Variants in RANBP10 observed in about 807,000 individuals in gnomAD.
RANBP10 encodes RAN binding protein 10.
Under a neutral mutation model 72.8 loss-of-function variants are expected in RANBP10, and 24 were observed. The observed-to-expected ratio is 0.33, with a 90% CI of 0.24 to 0.46. The LOEUF is 0.46. RANBP10 is among the 20% of genes least tolerant of loss of function. The pLI is 1.00. For missense variants in RANBP10, 679 were observed against 817.5 expected (o/e 0.83, Z 2.07); for synonymous variants, 310 against 322.3 (o/e 0.96, Z 0.41).
intron 3 of RANBP10, among the ~76,000 whole-genome samples, chr16:67,768,230 T>C (rs904623189): frequency 1.2e-4 from 18 of 150,448 alleles, no homozygotes; most frequent in African/African-American, 4.1e-4. Flanking sequence ...CTACAAAAAA[T>C]ACAAAAACGG....
At chr16:67,789,958 G>A (rs1468301828) in intron 2 of RANBP10, among the ~76,000 whole-genome samples, 3 of 151,708 alleles carry the variant, frequency 2.0e-5, no homozygotes, top group East Asian at 3.9e-4. Context: ...TTGGCTGGGC[G>A]TGGTGGTGCA....
chr16:67,796,292 A>AT (rs973413000), intron 2 of RANBP10, among the ~76,000 whole-genome samples: 1 of 152,106 alleles, frequency 6.6e-6, no homozygotes, highest in Non-Finnish European at 1.5e-5. Context: ...AGGGCATTCC[A>AT]TTTTTTTAAA....
chr16:67,744,530 A>G (rs1447198738), intron 3 of RANBP10, 75 bp from the exon 4 acceptor site: 4 of 1,450,328 alleles, frequency 2.8e-6, no homozygotes, highest in African/African-American at 1.4e-5. Flanking sequence ...AAGCCCACCC[A>G]GGTCTCTCAG....
chr16:67,795,782 A>C (rs576896589), intron 2 of RANBP10, among the ~76,000 whole-genome samples: 25 of 150,792 alleles, frequency 1.7e-4, no homozygotes, highest in East Asian at 1.6e-3. Context: ...GTGAACCCGG[A>C]AAGTGGAGCT....
chr16:67,753,535 A>C (rs1412740214), intron 3 of RANBP10, among the ~76,000 whole-genome samples: 2 of 152,048 alleles, frequency 1.3e-5, no homozygotes, highest in Non-Finnish European at 2.9e-5. Flanking sequence ...TAGCAATGGG[A>C]GGGGGGATGA....
intron 4 of RANBP10, among the ~76,000 whole-genome samples, 167 bp from the exon 5 acceptor site, chr16:67,738,202 G>A (rs1302595456): frequency 1.1e-4 from 17 of 152,088 alleles, no homozygotes; most frequent in African/African-American, 3.4e-4. Flanking sequence ...GCAGTGGTAC[G>A]ATCTTGGCTC....
intron 11 of RANBP10, 33 bp downstream of exon 11, chr16:67,728,357 T>C: frequency 6.2e-7 from 1 of 1,608,722 alleles, no homozygotes; most frequent in Non-Finnish European, 8.5e-7. Flanking sequence ...CACACTGCCC[T>C]CAAAGAATAG....
chr16:67,771,296 C>T (rs73591969), intron 3 of RANBP10, among the ~76,000 whole-genome samples: 6,041 of 151,780 alleles, frequency 0.04, 392 homozygotes, highest in African/African-American at 0.14. Context: ...GAAATTGCTT[C>T]AATCACATTC....
chr16:67,787,818 T>C (rs1433525376), intron 2 of RANBP10, among the ~76,000 whole-genome samples: 1 of 152,080 alleles, frequency 6.6e-6, no homozygotes, highest in East Asian at 1.9e-4. Context: ...CTGGGTAACA[T>C]AGCGAGATTC....
intron 6 of RANBP10, 25 bp from the exon 7 acceptor site, chr16:67,731,609 T>C (rs935449095): frequency 6.3e-7 from 1 of 1,575,556 alleles, no homozygotes; most frequent in Non-Finnish European, 8.7e-7. Flanking sequence ...GAGCTTCAGG[T>C]GACACTCAAG....
Position 67,744,397 on chromosome 16 carries a change from C to T in RANBP10, c.459G>A (p.Ser153=), listed in dbSNP as rs757424928. The T allele has an allele frequency of 1.9e-5, 30 of 1,614,090 alleles. No individual in the cohort carries two copies. The East Asian group carries it at 2.0e-4, about 11-fold the overall frequency. ...HGDDGHSFCS[S]GTGQPYGPTF... ...TGGGACCATAGGGCTGGCCAGTCCC[C>T]GAGGAGCAGAACGAATGCCCATCAT... The change falls in exon 4 of 14, where the codon TCG becomes TCA. Residue 153 remains serine (S), a synonymous_variant. Coordinates refer to ENST00000317506, the MANE Select transcript of RANBP10 (RefSeq NM_020850.3).
intron 2 of RANBP10, 36 bp downstream of exon 2, chr16:67,805,392 A>G (rs960086201): frequency 1.9e-6 from 3 of 1,570,798 alleles, no homozygotes; most frequent in African/African-American, 2.7e-5. Flanking sequence ...GATCAGCTCC[A>G]TGATCAGGGA....
chr16:67,753,236 C>T (rs1323463039), intron 3 of RANBP10, among the ~76,000 whole-genome samples: 2 of 150,776 alleles, frequency 1.3e-5, no homozygotes, highest in African/African-American at 4.9e-5. Context: ...CTGTGTGCAG[C>T]GGCTTATGCC....
rs756070204 is a variant in RANBP10 at position 67,728,455 on chromosome 16, A to G, written c.1409T>C (p.Met470Thr). The change falls in exon 11 of 14, where the codon ATG becomes ACG. Residue 470 changes from methionine (M) to threonine (T), a missense_variant. Transcript: ENST00000317506. ...EHYPNGVLGSMSTRIVNGAYK... is the reference protein window; with the variant it reads ...EHYPNGVLGSTSTRIVNGAYK... The stretch of plus-strand genomic sequence containing the variant: ...GGCACCATTAACAATGCGTGTGGAC[A>G]TGCTTCCTAGCACACCGTTGGGGTA... 6.2e-7 allele frequency: 1 copy of G among 1,614,150 alleles called. No individual in the cohort carries two copies. Among genetic ancestry groups the G allele is most frequent in the Non-Finnish European group, 8.5e-7 (1 of 1,180,022 alleles).
At chr16:67,750,289 T>C (rs1315241977) in intron 3 of RANBP10, among the ~76,000 whole-genome samples, 1 of 152,224 alleles carries the variant, frequency 6.6e-6, no homozygotes, top group East Asian at 1.9e-4. Flanking sequence ...CAGGTCCTCT[T>C]AGAACTATGC....
intron 3 of RANBP10, among the ~76,000 whole-genome samples, chr16:67,746,142 G>A (rs2054072359): frequency 7.0e-6 from 1 of 143,602 alleles, no homozygotes; most frequent in South Asian, 2.3e-4. Context: ...GGCAACAAGA[G>A]CGAAACTCTG....
rs142511421 is a variant in RANBP10, at chr16:67,736,482, C to A, written c.592-1440G>T. 4.5e-4 allele frequency among the ~76,000 whole-genome samples: 68 copies of A among 152,306 alleles called. 2 individuals are homozygous for A. In the East Asian group the frequency reaches 0.013, roughly 29 times the overall value. ...GGCCAACCATGCATTTTTGTACCTG[C>A]ACAAGGTATGGGACCTTTTCCTGTA... On this transcript the variant is annotated intron_variant, in intron 5 of 13. Coordinates refer to ENST00000317506, the MANE Select transcript of RANBP10 (RefSeq NM_020850.3).
At chr16:67,728,012 G>T in intron 11 of RANBP10, 116 bp from the exon 12 acceptor site, 2 of 1,166,474 alleles carry the variant, frequency 1.7e-6, no homozygotes, top group Non-Finnish European at 2.5e-6. Context: ...GGCAGGCAGG[G>T]CTGGGAGGAA....
At chr16:67,796,665 C>T (rs1302850545) in intron 2 of RANBP10, among the ~76,000 whole-genome samples, 1 of 152,192 alleles carries the variant, frequency 6.6e-6, no homozygotes, top group East Asian at 1.9e-4. Context: ...GGCCTTCACA[C>T]TTGCCACCCC....
Sources: gnomAD v4.1 joint callset for allele counts (sites outside exome capture counted in the v4.1 genomes callset) on GRCh38, gnomAD v4.1.1 for gene constraint, MANE v1.5 for transcripts, NCBI Gene and HGNC (gene_info 2026-07-23, HGNC 2026-07-21) for gene names.